Variants in FSTL4 observed in about 807,000 individuals in gnomAD.
FSTL4 encodes follistatin like 4.
In FSTL4, 28 loss-of-function variants were observed where a neutral mutation model predicts 78.2. That is an observed-to-expected ratio of 0.36 (90% CI 0.27 to 0.49). The LOEUF (loss-of-function observed/expected upper bound fraction) is 0.49. Among genes scored for constraint, FSTL4 ranks in the 20% least tolerant of loss-of-function variants. The pLI, the probability that FSTL4 is intolerant of heterozygous loss-of-function variation, is 0.98. For synonymous variants in FSTL4, 422 were observed against 440.5 expected (o/e 0.96, Z 0.53); for missense variants, 922 against 1,084.9 (o/e 0.85, Z 2.11).
At chr5:133,535,885 T>G (rs1271172323) in intron 3 of FSTL4, among the ~76,000 whole-genome samples, 1 of 152,232 alleles carries the variant, frequency 6.6e-6, no homozygotes, top group Non-Finnish European at 1.5e-5. Flanking sequence ...ATTCTCATAC[T>G]AATGAGTGTC....
At chr5:133,371,663 T>C (rs748848790) in intron 4 of FSTL4, among the ~76,000 whole-genome samples, 1 of 152,232 alleles carries the variant, frequency 6.6e-6, no homozygotes, top group Non-Finnish European at 1.5e-5. Context: ...CAAGGAAATG[T>C]CATTTTCACC....
intron 1 of FSTL4, among the ~76,000 whole-genome samples, chr5:133,608,698 A>G (rs762132362): frequency 2.0e-5 from 3 of 152,240 alleles, no homozygotes; most frequent in African/African-American, 7.2e-5. Flanking sequence ...AAATAAGCTA[A>G]TATCTGTGCT....
At chr5:133,734,519 C>G in the FSTL4 span, among the ~76,000 whole-genome samples, 1 of 152,126 alleles carries the variant, frequency 6.6e-6, no homozygotes, top group Non-Finnish European at 1.5e-5. Flanking sequence ...ATAGATGAAG[C>G]AAATGTGACA....
chr5:133,767,450 T>C, the FSTL4 span, among the ~76,000 whole-genome samples: 1 of 152,142 alleles, frequency 6.6e-6, no homozygotes, highest in Non-Finnish European at 1.5e-5. Flanking sequence ...TGAGAGGGCA[T>C]CAACAGGATC....
chr5:133,654,875 T>C, the FSTL4 span, among the ~76,000 whole-genome samples: 24 of 152,302 alleles, frequency 1.6e-4, no homozygotes, highest in African/African-American at 5.5e-4. Flanking sequence ...AGGAGAGCCC[T>C]CTGGTATTGC....
At chr5:133,647,232 A>G in the FSTL4 span, among the ~76,000 whole-genome samples, 4 of 152,088 alleles carry the variant, frequency 2.6e-5, no homozygotes, top group African/African-American at 9.7e-5. Context: ...TAGTTGAGAG[A>G]TATATCCTGA....
chr5:133,637,781 T>C, the FSTL4 span, among the ~76,000 whole-genome samples: 1 of 151,706 alleles, frequency 6.6e-6, no homozygotes, highest in Non-Finnish European at 1.5e-5. Context: ...AACTTACATC[T>C]CCAGCCTGGA....
At position 133,604,766 on chromosome 5, in the gene FSTL4, C is replaced by T. The variant is rs138060378; in HGVS notation, c.-10-773G>A. Among the ~76,000 whole-genome samples the T allele has an allele frequency of 1.9e-3, 294 of 152,234 alleles. 1 individual carries two copies. The highest frequency in any genetic ancestry group is 6.8e-3 in the Middle Eastern group (2 of 294). On this transcript the variant is annotated intron_variant, in intron 1 of 15. Transcript: ENST00000265342. The stretch of plus-strand genomic sequence containing the variant: ...ACATCTCTGGCACCTCATTTGCAGC[C>T]GACACCTCAGTTTATAAGACAGTGA...
the FSTL4 span, among the ~76,000 whole-genome samples, chr5:133,679,581 C>A: frequency 6.6e-6 from 1 of 152,100 alleles, no homozygotes; most frequent in East Asian, 1.9e-4. Flanking sequence ...TTGGCATGGA[C>A]TCAGAGAGCT....
At chr5:133,710,247 A>G in the FSTL4 span, among the ~76,000 whole-genome samples, 1 of 152,204 alleles carries the variant, frequency 6.6e-6, no homozygotes, top group African/African-American at 2.4e-5. Context: ...CATTGGTTGC[A>G]TCTGACCAAA....
At chr5:133,752,253 G>A in the FSTL4 span, among the ~76,000 whole-genome samples, 19 of 152,182 alleles carry the variant, frequency 1.2e-4, no homozygotes, top group Non-Finnish European at 1.8e-4. Context: ...GCTTCAAAGA[G>A]CGAAGTCAGC....
At chr5:133,575,635 A>G (rs898800027) in intron 2 of FSTL4, among the ~76,000 whole-genome samples, 4 of 152,216 alleles carry the variant, frequency 2.6e-5, no homozygotes, top group Non-Finnish European at 5.9e-5. Context: ...CCATCTTTCC[A>G]GTGCTTAAAA....
At chr5:133,383,330 G>A (rs1755620600) in intron 4 of FSTL4, among the ~76,000 whole-genome samples, 1 of 152,192 alleles carries the variant, frequency 6.6e-6, no homozygotes, top group South Asian at 2.1e-4. Context: ...GTTCTCAGAT[G>A]CGCAGCTGTG....
the FSTL4 span, among the ~76,000 whole-genome samples, chr5:133,761,338 C>T: frequency 6.6e-6 from 1 of 152,016 alleles, no homozygotes; most frequent in Non-Finnish European, 1.5e-5. Flanking sequence ...AAATATAGGA[C>T]AAATACAGGG....
At chr5:133,673,774 G>A in the FSTL4 span, among the ~76,000 whole-genome samples, 1 of 152,122 alleles carries the variant, frequency 6.6e-6, no homozygotes, top group Non-Finnish European at 1.5e-5. Context: ...TAGTGAGGGA[G>A]AAAGATACAA....
intron 3 of FSTL4, among the ~76,000 whole-genome samples, chr5:133,507,679 T>G (rs1470505154): frequency 6.6e-6 from 1 of 151,770 alleles, no homozygotes; most frequent in Non-Finnish European, 1.5e-5. Context: ...CCCGACACCA[T>G]GCCCGGCTAA....
intron 11 of FSTL4, among the ~76,000 whole-genome samples, chr5:133,221,465 T>C (rs1243181531): frequency 8.8e-6 from 1 of 113,552 alleles, no homozygotes; most frequent in Non-Finnish European, 1.7e-5. Flanking sequence ...GAACCTACAC[T>C]CCAGTCATGC....
chr5:133,632,360 T>G, the FSTL4 span, among the ~76,000 whole-genome samples: 32 of 152,312 alleles, frequency 2.1e-4, no homozygotes, highest in South Asian at 3.1e-3. Context: ...TTTAGAAAAC[T>G]CAGGAGGAAA....
At chr5:133,337,313 G>C (rs1377144773) in intron 4 of FSTL4, among the ~76,000 whole-genome samples, 1 of 152,178 alleles carries the variant, frequency 6.6e-6, no homozygotes, top group African/African-American at 2.4e-5. Flanking sequence ...TTTCCAACTA[G>C]GAAGCGGGCT....
Sources: allele counts gnomAD v4.1 joint callset (sites outside exome capture counted in the v4.1 genomes callset), GRCh38; gene constraint gnomAD v4.1.1; transcripts MANE v1.5; gene names NCBI Gene and HGNC (gene_info 2026-07-23, HGNC 2026-07-21).